PLCH1: variants seen among roughly 807,000 people sequenced by gnomAD.
PLCH1 encodes the protein phospholipase C eta 1.
PLCH1 carries 60 observed loss-of-function variants against 126.7 expected under a neutral mutation model. That is an observed-to-expected ratio of 0.47 (90% CI 0.38 to 0.59). The LOEUF is 0.59. Among genes scored for constraint, PLCH1 ranks in the 20% least tolerant of loss-of-function variants. PLCH1 has a pLI of 0.00. For synonymous variants in PLCH1, 719 were observed against 734.9 expected (o/e 0.98, Z 0.35); for missense variants, 1,723 against 2,040.0 (o/e 0.84, Z 2.99).
At chr3:155,545,731 A>C (rs1225700873) in intron 10 of PLCH1, among the ~76,000 whole-genome samples, 3 of 150,794 alleles carry the variant, frequency 2.0e-5, no homozygotes, top group Non-Finnish European at 4.5e-5. Context: ...AGGCTGGTTC[A>C]ATATATGCAA....
chr3:155,736,443 A>G (rs80044224), intron 1 of PLCH1, among the ~76,000 whole-genome samples: 2 of 152,152 alleles, frequency 1.3e-5, no homozygotes, highest in Non-Finnish European at 2.9e-5. Context: ...TAATCACACT[A>G]CAGTGATTTC....
intron 2 of PLCH1, among the ~76,000 whole-genome samples, chr3:155,647,465 A>G (rs1740192519): frequency 6.6e-6 from 1 of 151,906 alleles, no homozygotes; most frequent in Non-Finnish European, 1.5e-5. Flanking sequence ...CTGTTACACC[A>G]AAAGACACAA....
At chr3:155,657,165 C>A (rs182536259) in intron 2 of PLCH1, among the ~76,000 whole-genome samples, 87 of 151,516 alleles carry the variant, frequency 5.7e-4, no homozygotes, top group Non-Finnish European at 1.3e-4. Context: ...AGATGAGTAA[C>A]CCACATGAAA....
At chr3:155,677,555 C>T (rs1744187798) in intron 2 of PLCH1, among the ~76,000 whole-genome samples, 1 of 152,186 alleles carries the variant, frequency 6.6e-6, no homozygotes, top group Admixed American at 6.5e-5. Context: ...ACTGACTCTG[C>T]CACCAACTAG....
intron 2 of PLCH1, among the ~76,000 whole-genome samples, chr3:155,602,043 C>T (rs1012771356): frequency 7.2e-5 from 11 of 152,070 alleles, no homozygotes; most frequent in Non-Finnish European, 1.0e-4. Context: ...TCCAGCCCCG[C>T]CACATCATGC....
rs1265096789 is a variant in PLCH1, at chr3:155,596,393, A to C, written c.80-15T>G. ...GCATCTTTCAACTGCAAAAGAAATT[A>C]GAGTGTATCCAGCTATCACACAATG... On this transcript the variant is annotated splice_polypyrimidine_tract_variant and intron_variant, in intron 2 of 22. Transcript: ENST00000460012. 6.8e-6 allele frequency: 11 copies of C among 1,608,376 alleles called. No homozygotes were observed. Among genetic ancestry groups the C allele is most frequent in the Non-Finnish European group, 9.3e-6 (11 of 1,176,678 alleles).
intron 2 of PLCH1, among the ~76,000 whole-genome samples, chr3:155,612,657 TC>T (rs1475936086): frequency 2.6e-5 from 4 of 152,024 alleles, no homozygotes; most frequent in African/African-American, 2.4e-5. Flanking sequence ...ATGCCTATAA[TC>T]CCAGTACTTC....
At chr3:155,541,772 C>T (rs1037455723) in intron 10 of PLCH1, among the ~76,000 whole-genome samples, 14 of 151,690 alleles carry the variant, frequency 9.2e-5, no homozygotes, top group African/African-American at 2.7e-4. Context: ...AAAACAGTGC[C>T]GAAAGACTTG....
intron 2 of PLCH1, among the ~76,000 whole-genome samples, chr3:155,621,423 C>G (rs1736479083): frequency 6.6e-6 from 1 of 152,092 alleles, no homozygotes; most frequent in Non-Finnish European, 1.5e-5. Context: ...GACGAATTGA[C>G]AGAAGTAGGC....
At chr3:155,512,088 A>G (rs536917592) in intron 12 of PLCH1, among the ~76,000 whole-genome samples, 49 of 149,708 alleles carry the variant, frequency 3.3e-4, no homozygotes, top group African/African-American at 1.1e-3. Context: ...GAAAAGCGCA[A>G]TATTCAGGTG....
rs989555359 is a variant in PLCH1, at chr3:155,463,640, T to G, written c.2938+21716A>C. Among the ~76,000 whole-genome samples, 4 of 152,192 alleles carry G rather than the reference T, an allele frequency of 2.6e-5. No individual in the cohort carries two copies. In the South Asian group the frequency reaches 8.3e-4, roughly 32 times the overall value. On this transcript the variant is annotated intron_variant, in intron 21 of 21. Transcript: ENST00000494598. The stretch of plus-strand genomic sequence containing the variant: ...TCACAAAATTGTCATAAGGTCTAGA[T>G]GAGATGCACTATGTACAAAAGTCTC...
At chr3:155,504,247 C>A (rs1718330016) in intron 13 of PLCH1, among the ~76,000 whole-genome samples, 1 of 151,928 alleles carries the variant, frequency 6.6e-6, no homozygotes, top group Non-Finnish European at 1.5e-5. Context: ...ATACACATAC[C>A]AGTTTTAATA....
intron 1 of PLCH1, among the ~76,000 whole-genome samples, chr3:155,719,016 GT>G (rs946385583): frequency 5.3e-5 from 8 of 151,816 alleles, no homozygotes; most frequent in African/African-American, 1.5e-4. Flanking sequence ...ATGCATGGAA[GT>G]TTTTTTTCCA....
chr3:155,696,740 C>T (rs1190248162), intron 2 of PLCH1, among the ~76,000 whole-genome samples: 1 of 152,114 alleles, frequency 6.6e-6, no homozygotes, highest in Non-Finnish European at 1.5e-5. Flanking sequence ...TAGAAAATTA[C>T]CAATTCCAAT....
intron 2 of PLCH1, among the ~76,000 whole-genome samples, chr3:155,639,004 T>C (rs9844732): frequency 0.47 from 71,757 of 152,062 alleles, 18,969 homozygotes; most frequent in African/African-American, 0.7. Context: ...GACTTTATAC[T>C]ATATATAATT....
intron 2 of PLCH1, among the ~76,000 whole-genome samples, chr3:155,627,226 T>C (rs1737418174): frequency 6.6e-6 from 1 of 152,168 alleles, no homozygotes; most frequent in African/African-American, 2.4e-5. Context: ...GCAAGCATAA[T>C]ACCAAGGATT....
At chr3:155,590,647 G>A (rs543293524) in intron 4 of PLCH1, among the ~76,000 whole-genome samples, 9 of 151,790 alleles carry the variant, frequency 5.9e-5, no homozygotes, top group African/African-American at 1.9e-4. Context: ...CTACTCAGGA[G>A]CCTGAGGCAG....
chr3:155,734,290 C>A (rs1748995429), intron 1 of PLCH1, among the ~76,000 whole-genome samples: 1 of 151,728 alleles, frequency 6.6e-6, no homozygotes, highest in Non-Finnish European at 1.5e-5. Flanking sequence ...GAGACCTGGT[C>A]TCTATTAAAA....
intron 11 of PLCH1, among the ~76,000 whole-genome samples, chr3:155,522,353 T>C (rs906669589): frequency 2.6e-5 from 4 of 152,244 alleles, no homozygotes; most frequent in South Asian, 4.1e-4. Flanking sequence ...TTTTCAATCA[T>C]GTAACTCTAT....
Sources: gnomAD v4.1 joint callset for allele counts (sites outside exome capture counted in the v4.1 genomes callset) on GRCh38, gnomAD v4.1.1 for gene constraint, MANE v1.5 for transcripts, NCBI Gene and HGNC (gene_info 2026-07-23, HGNC 2026-07-21) for gene names.